Variants in TRAPPC9 observed in about 807,000 individuals in gnomAD.
TRAPPC9 encodes the protein IKK2 binding protein.
TRAPPC9 carries 83 observed loss-of-function variants against 124.0 expected under a neutral mutation model. The observed-to-expected ratio is 0.67, with a 90% CI of 0.56 to 0.80. TRAPPC9 has a LOEUF of 0.80. Ranked by LOEUF, TRAPPC9 falls within the 30% of genes least tolerant of loss-of-function variation. The pLI is 0.00. For synonymous variants in TRAPPC9, 638 were observed against 617.5 expected (o/e 1.03, Z -0.49); for missense variants, 1,302 against 1,508.3 (o/e 0.86, Z 2.27).
At chr8:139,831,316 C>T (rs371521100) in intron 21 of TRAPPC9, among the ~76,000 whole-genome samples, 4 of 152,138 alleles carry the variant, frequency 2.6e-5, no homozygotes, top group South Asian at 2.1e-4. Context: ...CCTGGGTTTC[C>T]GGGGTGGAGA....
intron 16 of TRAPPC9, among the ~76,000 whole-genome samples, chr8:140,249,192 C>T (rs1213191038): frequency 6.6e-6 from 1 of 152,158 alleles, no homozygotes; most frequent in Non-Finnish European, 1.5e-5. Flanking sequence ...TCCCTGCCTT[C>T]TCGAGTAGCC....
At position 139,987,133 on chromosome 8, in the gene TRAPPC9, G is replaced by C. The variant is rs73725367; in HGVS notation, c.2810+1593C>G. Among the ~76,000 whole-genome samples the C allele has an allele frequency of 2.6e-3, 401 of 152,226 alleles. 6 individuals are homozygous for C. Among genetic ancestry groups the C allele is most frequent in the African/African-American group, 9.2e-3 (382 of 41,540 alleles). On this transcript the variant is annotated intron_variant, in intron 19 of 22. Coordinates refer to ENST00000438773, the MANE Select transcript of TRAPPC9 (RefSeq NM_001160372.4). ...TTGTTGCAGAGTACCACACCATTCCGTTTGTAAGAAAACACCGCCATTTGT... is the reference window on the plus strand; with the variant it reads ...TTGTTGCAGAGTACCACACCATTCCCTTTGTAAGAAAACACCGCCATTTGT...
At chr8:140,046,335 G>A (rs1454553739) in intron 17 of TRAPPC9, among the ~76,000 whole-genome samples, 2 of 152,282 alleles carry the variant, frequency 1.3e-5, no homozygotes, top group Non-Finnish European at 2.9e-5. Context: ...GAAAGGCAAG[G>A]AGCCCAGTGT....
intron 17 of TRAPPC9, among the ~76,000 whole-genome samples, chr8:140,135,892 T>C (rs1339074163): frequency 2.0e-5 from 3 of 152,216 alleles, no homozygotes; most frequent in African/African-American, 4.8e-5. Flanking sequence ...TATAAGGTGG[T>C]GGGAGCCTGG....
At chr8:139,993,516 C>T (rs893531848) in intron 18 of TRAPPC9, among the ~76,000 whole-genome samples, 12 of 152,118 alleles carry the variant, frequency 7.9e-5, no homozygotes, top group African/African-American at 2.2e-4. Flanking sequence ...AGAGTTTGAC[C>T]GAACAATTCC....
intron 18 of TRAPPC9, among the ~76,000 whole-genome samples, chr8:139,994,934 G>C (rs1837870486): frequency 2.6e-5 from 4 of 151,660 alleles, no homozygotes; most frequent in Non-Finnish European, 5.9e-5. Context: ...AAAATGGGAA[G>C]GTATTTTGAG....
At chr8:139,764,525 C>T (rs969187110) in intron 21 of TRAPPC9, among the ~76,000 whole-genome samples, 4 of 152,186 alleles carry the variant, frequency 2.6e-5, no homozygotes, top group Non-Finnish European at 5.9e-5. Context: ...CCCTCTAGTG[C>T]CGGCAGAATG....
intron 16 of TRAPPC9, among the ~76,000 whole-genome samples, chr8:140,244,436 T>C (rs2063930827): frequency 6.6e-6 from 1 of 152,180 alleles, no homozygotes; most frequent in African/African-American, 2.4e-5. Context: ...TTGACATTTC[T>C]CTTACAAAAC....
At chr8:140,330,837 G>A (rs957339667) in intron 9 of TRAPPC9, among the ~76,000 whole-genome samples, 1 of 152,028 alleles carries the variant, frequency 6.6e-6, no homozygotes, top group Non-Finnish European at 1.5e-5. Flanking sequence ...CAAACTTTCT[G>A]CTTTTTTCAT....
At chr8:139,756,755 G>C (rs536772944) in intron 21 of TRAPPC9, among the ~76,000 whole-genome samples, 20 of 136,794 alleles carry the variant, frequency 1.5e-4, no homozygotes, top group African/African-American at 4.5e-4. Flanking sequence ...GGGGTATAAG[G>C]ACAGCAGGTC....
chr8:140,435,369 T>C (rs1394876761), intron 3 of TRAPPC9, 129 bp from the exon 4 acceptor site: 130 of 1,316,124 alleles, frequency 9.9e-5, no homozygotes, highest in Admixed American at 6.5e-4. Context: ...AGGTGGATTA[T>C]TTGGAAATGC....
intron 14 of TRAPPC9, among the ~76,000 whole-genome samples, chr8:140,280,447 G>C (rs1270520436): frequency 6.6e-6 from 1 of 152,042 alleles, no homozygotes; most frequent in Non-Finnish European, 1.5e-5. Context: ...TTTATTTTGA[G>C]ACAAAGTCTC....
At chr8:139,969,780 G>A (rs981441158) in intron 19 of TRAPPC9, among the ~76,000 whole-genome samples, 7 of 152,216 alleles carry the variant, frequency 4.6e-5, no homozygotes. Flanking sequence ...TGCTTTGATT[G>A]TGTCTATCTT....
At chr8:139,810,765 C>T (rs1294484460) in intron 21 of TRAPPC9, among the ~76,000 whole-genome samples, 3 of 152,146 alleles carry the variant, frequency 2.0e-5, no homozygotes, top group Non-Finnish European at 4.4e-5. Flanking sequence ...TGAATGCTGG[C>T]AGTGAGATCC....
rs896343698 is a variant in TRAPPC9 at position 140,257,343 on chromosome 8, T to C, written c.2279-4414A>G. Among the ~76,000 whole-genome samples, 1 of 152,204 alleles carries C rather than the reference T, an allele frequency of 6.6e-6. No homozygotes were observed. ...TTGCTGCCTCTTCTCCACGCAGCAGTGCTGGCACTGGCCTGGGCCTCTTCT... is the reference window on the plus strand; with the variant it reads ...TTGCTGCCTCTTCTCCACGCAGCAGCGCTGGCACTGGCCTGGGCCTCTTCT... On this transcript the variant is annotated intron_variant, in intron 15 of 22. Transcript: ENST00000438773. This position sits in a 1 kb window ranked among gnomAD's most constrained non-coding sequence, Gnocchi z 4.6.
At chr8:140,381,154 G>A (rs2068595071) in intron 7 of TRAPPC9, among the ~76,000 whole-genome samples, 1 of 148,050 alleles carries the variant, frequency 6.8e-6, no homozygotes. Flanking sequence ...GCAGTGAGCT[G>A]AGACTGTGCC....
intron 13 of TRAPPC9, 38 bp from the exon 14 acceptor site, chr8:140,284,059 G>A (rs771658590): frequency 6.2e-7 from 1 of 1,613,116 alleles, no homozygotes; most frequent in African/African-American, 1.3e-5. Context: ...CCACTGGCAA[G>A]GCTTTGGGTC....
Position 140,451,186 on chromosome 8 carries a change from G to A in TRAPPC9, c.188C>T (p.Pro63Leu). The A allele has an allele frequency of 6.2e-7, 1 of 1,614,124 alleles. No individual in the cohort carries two copies. The highest frequency in any genetic ancestry group is 8.5e-7 in the Non-Finnish European group (1 of 1,180,006). ...GAAGTCACCCCACTCGTTGTTCTCG[G>A]GTGGGTAGTGGTGCCTGTAGCGGAT... ...LYIRYRHHYP[P>L]ENNEWGDFQT... Residue 63 changes from proline to leucine, a missense_variant, in exon 2 of 23, where the codon CCC becomes CTC. This residue lies in a region of TRAPPC9 where 657 missense variants were observed against 811.2 expected (regional missense o/e 0.81). Coordinates refer to ENST00000438773, the MANE Select transcript of TRAPPC9 (RefSeq NM_001160372.4).
intron 21 of TRAPPC9, among the ~76,000 whole-genome samples, chr8:139,856,523 G>C (rs1827807785): frequency 6.6e-6 from 1 of 152,154 alleles, no homozygotes; most frequent in Non-Finnish European, 1.5e-5. Context: ...AGAGGTGTGG[G>C]ACAATGTCCT....
Sources: gnomAD v4.1 joint callset for allele counts (sites outside exome capture counted in the v4.1 genomes callset) on GRCh38, gnomAD v4.1.1 for gene constraint, gnomAD v4.1.1 regional missense constraint, Gnocchi (gnomAD v3.1) non-coding constraint, MANE v1.5 for transcripts, NCBI Gene and HGNC (gene_info 2026-07-23, HGNC 2026-07-21) for gene names.